Variants in TOX2 observed in about 807,000 individuals in gnomAD.
TOX2 encodes the protein granulosa cell HMG box 1.
Under a neutral mutation model 47.4 loss-of-function variants are expected in TOX2, and 15 were observed. The observed-to-expected ratio is 0.32, with a 90% CI of 0.21 to 0.49. The LOEUF (loss-of-function observed/expected upper bound fraction) is 0.49, where lower values mean the gene tolerates loss of function less well. Among genes scored for constraint, TOX2 ranks in the 20% least tolerant of loss-of-function variants. The pLI is 0.99. For synonymous variants in TOX2, 290 were observed against 296.6 expected, an observed-to-expected ratio of 0.98 and a Z score of 0.23; for missense variants, 622 against 673.1, an observed-to-expected ratio of 0.92 and a Z score of 0.84.
intron 1 of TOX2, among the ~76,000 whole-genome samples, chr20:43,934,564 A>T (rs1340178397): frequency 4.6e-5 from 7 of 151,886 alleles, no homozygotes; most frequent in Admixed American, 4.6e-4. Context: ...GGCCTTGGGA[A>T]TTACTGCAGA....
At chr20:44,044,449 T>C (rs1286225091) in intron 3 of TOX2, among the ~76,000 whole-genome samples, 1 of 151,292 alleles carries the variant, frequency 6.6e-6, no homozygotes. Flanking sequence ...AATGCAAAAC[T>C]GCTTAATGGC....
In TOX2 at chr20:43,916,103, G is replaced by T. The variant is rs771629258; in HGVS notation, c.99+1113G>T. On this transcript the variant is annotated intron_variant, in intron 1 of 8. Transcript: ENST00000341197. The surrounding 1 kb of genome is among the most constrained non-coding windows in gnomAD (Gnocchi z 5.0). ...CCAGTCGGTGCGTCGGTCCCGGGCC[G>T]GCTGGAGCCAAGCGCGGGTTTTCGT... 1.0e-6 allele frequency: 1 copy of T among 985,132 alleles called. No homozygotes were observed. Among genetic ancestry groups the T allele is most frequent in the Non-Finnish European group, 1.2e-6 (1 of 829,612 alleles). The allele number at this position is 985,132 out of a possible 1,614,324, so 61.0% of individuals were successfully genotyped here. A position where few individuals can be genotyped will look rare whatever the true frequency, so the allele number is the denominator to read the frequency against.
At chr20:44,032,077 G>C (rs113895665) in intron 3 of TOX2, among the ~76,000 whole-genome samples, 22 of 152,308 alleles carry the variant, frequency 1.4e-4, no homozygotes, top group African/African-American at 5.3e-4. Flanking sequence ...ATGCTGGCCC[G>C]GTGTGAGGGG....
At chr20:44,026,365 T>C (rs1335021389) in intron 3 of TOX2, among the ~76,000 whole-genome samples, 1 of 150,348 alleles carries the variant, frequency 6.7e-6, no homozygotes, top group Non-Finnish European at 1.5e-5. Flanking sequence ...AACTCAGGAA[T>C]GGAAAACCAA....
At chr20:44,048,998 A>G (rs2071462912) in intron 3 of TOX2, among the ~76,000 whole-genome samples, 1 of 152,212 alleles carries the variant, frequency 6.6e-6, no homozygotes, top group Non-Finnish European at 1.5e-5. Flanking sequence ...AAAATTAGCC[A>G]GGCATGATGG....
At chr20:43,983,701 A>T (rs759243850) in intron 2 of TOX2, among the ~76,000 whole-genome samples, 1 of 152,184 alleles carries the variant, frequency 6.6e-6, no homozygotes, top group Non-Finnish European at 1.5e-5. Context: ...CCAGCACTAA[A>T]TGATGATACC....
At chr20:43,927,694 C>CTTCCTTTCTT (rs1555829442) in intron 1 of TOX2, among the ~76,000 whole-genome samples, 1 of 94,166 alleles carries the variant, frequency 1.1e-5, no homozygotes, top group African/African-American at 6.4e-5. Flanking sequence ...CCTTCCCTTC[C>CTTCCTTTCTT]CCTTCCTTCC....
Position 43,938,854 on chromosome 20 carries a change from G to A in TOX2, c.99+23864G>A, listed in dbSNP as rs2145342011. ...CCCCCAGCACAATGGGTCCAGGGGT[G>A]GTAGAGGGGCATCTGAGGCAGCTTT... is the stretch of plus-strand genomic sequence containing the variant. On this transcript the variant is annotated intron_variant, in intron 1 of 8. Transcript: ENST00000341197. Among the ~76,000 whole-genome samples, 3 of 152,324 alleles carry A rather than the reference G, an allele frequency of 2.0e-5. 1 individual carries two copies. The highest frequency in any genetic ancestry group is 2.0e-4 in the Admixed American group (3 of 15,310).
intron 3 of TOX2, among the ~76,000 whole-genome samples, chr20:44,024,881 C>T (rs986162569): frequency 8.6e-5 from 13 of 152,044 alleles, no homozygotes; most frequent in African/African-American, 2.4e-4. Flanking sequence ...ACATGGGACC[C>T]GAATGTGATG....
In TOX2 at chr20:44,058,718, A is replaced by G. The variant is rs531873847; in HGVS notation, c.879+4192A>G. On this transcript the variant is annotated intron_variant, in intron 5 of 8. Transcript: ENST00000341197. ...GAGACCTGAAGACAGATCACATCAC[A>G]GGACTCTTTGCAGACACTCCCCAGT... Among the ~76,000 whole-genome samples, 14 of 152,348 alleles carry G rather than the reference A, an allele frequency of 9.2e-5. No homozygotes were observed. In the East Asian group the frequency reaches 2.7e-3, roughly 29 times the overall value.
intron 1 of TOX2, among the ~76,000 whole-genome samples, chr20:43,964,054 C>A (rs1363627960): frequency 6.6e-6 from 1 of 151,860 alleles, no homozygotes; most frequent in Non-Finnish European, 1.5e-5. Context: ...GATAGTCATA[C>A]CCATTTTGCA....
intron 5 of TOX2, among the ~76,000 whole-genome samples, chr20:44,060,052 G>A (rs1200087349): frequency 6.6e-6 from 1 of 152,044 alleles, no homozygotes; most frequent in Non-Finnish European, 1.5e-5. Context: ...TAGGTAAAGG[G>A]GTGGAAAAAG....
intron 3 of TOX2, among the ~76,000 whole-genome samples, chr20:44,036,965 T>C (rs977323473): frequency 6.6e-6 from 1 of 152,214 alleles, no homozygotes; most frequent in Non-Finnish European, 1.5e-5. Context: ...CCTCTTCTTT[T>C]CTTTTTTGAG....
intron 1 of TOX2, among the ~76,000 whole-genome samples, chr20:43,954,774 T>G (rs1482202937): frequency 6.6e-6 from 1 of 152,190 alleles, no homozygotes; most frequent in Non-Finnish European, 1.5e-5. Context: ...CATTTCAGCC[T>G]CTGGGAGGAT....
chr20:44,047,933 T>C (rs967159930), intron 3 of TOX2, among the ~76,000 whole-genome samples: 1 of 152,124 alleles, frequency 6.6e-6, no homozygotes, highest in African/African-American at 2.4e-5. Context: ...ATATATAAAC[T>C]TTTGGCCGGG....
intron 1 of TOX2, among the ~76,000 whole-genome samples, chr20:43,931,040 C>T (rs1003829986): frequency 6.6e-6 from 1 of 152,200 alleles, no homozygotes; most frequent in Non-Finnish European, 1.5e-5. Flanking sequence ...GAATCTCTGT[C>T]GTTTGCTCAT....
At chr20:44,026,626 A>AG (rs1224414178) in intron 3 of TOX2, among the ~76,000 whole-genome samples, 2 of 152,146 alleles carry the variant, frequency 1.3e-5, no homozygotes, top group African/African-American at 2.4e-5. Flanking sequence ...AAACCTAAAA[A>AG]GGGGGTGCTG....
intron 3 of TOX2, among the ~76,000 whole-genome samples, chr20:44,011,927 T>C (rs2070783107): frequency 6.6e-6 from 1 of 152,258 alleles, no homozygotes; most frequent in South Asian, 2.1e-4. Flanking sequence ...TGTACAGTAT[T>C]GGAATCGAAC....
At chr20:44,061,304 A>G (rs1236711356) in intron 5 of TOX2, among the ~76,000 whole-genome samples, 1 of 152,142 alleles carries the variant, frequency 6.6e-6, no homozygotes, top group Non-Finnish European at 1.5e-5. Flanking sequence ...CTTTTAAAGG[A>G]CACTATTCCA....
Sources: gnomAD v4.1 joint callset for allele counts (sites outside exome capture counted in the v4.1 genomes callset) on GRCh38, gnomAD v4.1.1 for gene constraint, Gnocchi (gnomAD v3.1) non-coding constraint, MANE v1.5 for transcripts, NCBI Gene and HGNC (gene_info 2026-07-23, HGNC 2026-07-21) for gene names.